SRGAP1: variants seen among roughly 807,000 people sequenced by gnomAD.
The protein encoded by SRGAP1 is SLIT-ROBO Rho GTPase-activating protein 1.
A neutral mutation model predicts 121.9 loss-of-function variants in SRGAP1; 43 were observed. The observed-to-expected ratio is 0.35, with a 90% CI of 0.28 to 0.46. The LOEUF is 0.46. Among genes scored for constraint, SRGAP1 ranks in the 20% least tolerant of loss-of-function variants. SRGAP1 has a pLI of 1.00. For missense variants in SRGAP1, 1,102 were observed against 1,350.9 expected (o/e 0.82, Z 2.89); for synonymous variants, 447 against 485.4 (o/e 0.92, Z 1.04).
rs184127530 is a variant in SRGAP1, at chr12:63,979,703, A to G, written c.68-4244A>G. Among the ~76,000 whole-genome samples, 18 of 152,292 alleles carry G rather than the reference A, an allele frequency of 1.2e-4. No homozygotes were observed. In the East Asian group the frequency reaches 3.5e-3, roughly 30 times the overall value. ...ATCTCCAGTGCCTAGGACACTGCCTAACACAAAATGGAAACTCAATAATTG... is the reference window on the plus strand; with the variant it reads ...ATCTCCAGTGCCTAGGACACTGCCTGACACAAAATGGAAACTCAATAATTG... On this transcript the variant is annotated intron_variant, in intron 1 of 21. Coordinates refer to ENST00000355086, the MANE Select transcript of SRGAP1 (RefSeq NM_020762.4).
intron 1 of SRGAP1, among the ~76,000 whole-genome samples, chr12:63,911,298 CAAAA>C (rs10715790): frequency 4.4e-5 from 4 of 90,236 alleles, no homozygotes; most frequent in African/African-American, 4.4e-5. Flanking sequence ...GACTCTGTCT[CAAAA>C]AAAAAAAAAA....
At chr12:63,859,926 G>T (rs1233982827) in intron 1 of SRGAP1, among the ~76,000 whole-genome samples, 1 of 152,106 alleles carries the variant, frequency 6.6e-6, no homozygotes, top group East Asian at 1.9e-4. Context: ...GATATGTAAA[G>T]AATTAAGTTC....
In SRGAP1 at chr12:64,111,967, A is replaced by G. The variant is rs1406155992; in HGVS notation, c.2125A>G (p.Met709Val). ...GGATGGCCCTGTTTATGAGAAATGT[A>G]TGGCTGGAGATGACTATTGGTAAGT... Reference protein sequence around the residue: ...ELDGPVYEKCMAGDDYCDSPY... With the variant: ...ELDGPVYEKCVAGDDYCDSPY... Residue 709 changes from methionine (M) to valine (V), a missense_variant, in exon 17 of 22, where the codon ATG (methionine) becomes GTG (valine). By Grantham distance (21) the Met-to-Val change is conservative. This residue lies in a region of SRGAP1 where 747 missense variants were observed against 929.4 expected (regional missense o/e 0.80). Coordinates refer to ENST00000355086, the MANE Select transcript of SRGAP1 (RefSeq NM_020762.4). The G allele has an allele frequency of 3.7e-6, 6 of 1,613,768 alleles. No individual in the cohort carries two copies. Among genetic ancestry groups the G allele is most frequent in the Admixed American group, 1.7e-5 (1 of 60,006 alleles).
chr12:63,881,358 T>A (rs747582382), intron 1 of SRGAP1, among the ~76,000 whole-genome samples: 24 of 152,314 alleles, frequency 1.6e-4, no homozygotes, highest in Non-Finnish European at 3.4e-4. Context: ...TAACAGTCAT[T>A]TGCAAGGAAA....
intron 4 of SRGAP1, among the ~76,000 whole-genome samples, chr12:64,024,782 A>G (rs952381680): frequency 6.6e-6 from 1 of 152,206 alleles, no homozygotes; most frequent in African/African-American, 2.4e-5. Context: ...TTCATAGGGC[A>G]TCAGGAGAGA....
chr12:63,979,685 G>T (rs1245479352), intron 1 of SRGAP1, among the ~76,000 whole-genome samples: 3 of 152,014 alleles, frequency 2.0e-5, no homozygotes, highest in Non-Finnish European at 4.4e-5. Context: ...TGTATCTCCA[G>T]TGCCTAGGAC....
intron 1 of SRGAP1, among the ~76,000 whole-genome samples, chr12:63,900,198 C>CTTTTTCTTTTTCTTT (rs1900892430): frequency 1.1e-4 from 11 of 100,562 alleles, no homozygotes; most frequent in Admixed American, 7.4e-4. Context: ...TTTTCTTTTT[C>CTTTTTCTTTTTCTTT]TTTTTCTTTT....
chr12:64,034,896 T>G (rs1168541564), intron 4 of SRGAP1, among the ~76,000 whole-genome samples: 2 of 152,156 alleles, frequency 1.3e-5, no homozygotes, highest in African/African-American at 4.8e-5. Flanking sequence ...AATTGAAGTT[T>G]TGTAAACTTT....
At chr12:63,949,257 C>G (rs1006499009) in intron 1 of SRGAP1, among the ~76,000 whole-genome samples, 5 of 142,794 alleles carry the variant, frequency 3.5e-5, no homozygotes, top group Admixed American at 7.1e-5. Context: ...ATCTCTGGTA[C>G]AAATGAAGAA....
intron 4 of SRGAP1, among the ~76,000 whole-genome samples, chr12:64,030,048 T>G (rs1018612757): frequency 1.3e-5 from 2 of 152,208 alleles, no homozygotes; most frequent in African/African-American, 2.4e-5. Context: ...AAATTAGAAT[T>G]TATTGGATAA....
At chr12:64,050,893 T>G (rs1482887158) in intron 6 of SRGAP1, among the ~76,000 whole-genome samples, 2 of 152,070 alleles carry the variant, frequency 1.3e-5, no homozygotes, top group Admixed American at 6.5e-5. Flanking sequence ...GGCTAATTGT[T>G]TTGTATTTTT....
At chr12:63,869,409 T>C (rs1899773060) in intron 1 of SRGAP1, among the ~76,000 whole-genome samples, 1 of 152,182 alleles carries the variant, frequency 6.6e-6, no homozygotes, top group South Asian at 2.1e-4. Flanking sequence ...GCACTGGGGA[T>C]TAAGTTTCCA....
At chr12:64,021,901 A>G (rs1292226699) in intron 4 of SRGAP1, among the ~76,000 whole-genome samples, 2 of 152,218 alleles carry the variant, frequency 1.3e-5, no homozygotes, top group Non-Finnish European at 2.9e-5. Context: ...TCTCAGCCTA[A>G]TTTGCTAATT....
chr12:63,914,528 A>G (rs2030693527), intron 1 of SRGAP1, among the ~76,000 whole-genome samples: 1 of 152,188 alleles, frequency 6.6e-6, no homozygotes, highest in African/African-American at 2.4e-5. Flanking sequence ...TAATAAAATA[A>G]TCTTTTTCCG....
At chr12:64,116,396 C>T (rs1311820489) in intron 18 of SRGAP1, among the ~76,000 whole-genome samples, 3 of 152,072 alleles carry the variant, frequency 2.0e-5, no homozygotes, top group African/African-American at 7.2e-5. Context: ...TTGCACTTCC[C>T]TGATCTGACT....
At chr12:63,968,940 C>T (rs1041379777) in intron 1 of SRGAP1, among the ~76,000 whole-genome samples, 5 of 152,102 alleles carry the variant, frequency 3.3e-5, no homozygotes, top group African/African-American at 4.8e-5. Context: ...TTCTGAATGC[C>T]GGCAGCCAAG....
At chr12:64,051,182 A>C (rs1808326394) in intron 6 of SRGAP1, among the ~76,000 whole-genome samples, 1 of 152,226 alleles carries the variant, frequency 6.6e-6, no homozygotes. Context: ...GATGGGTTCA[A>C]GTTAAGCACT....
At chr12:64,098,803 C>T (rs2036211111) in intron 15 of SRGAP1, among the ~76,000 whole-genome samples, 1 of 152,320 alleles carries the variant, frequency 6.6e-6, no homozygotes, top group South Asian at 2.1e-4. Context: ...CTGTATATTT[C>T]AGCAGTAGCA....
intron 6 of SRGAP1, among the ~76,000 whole-genome samples, chr12:64,058,555 C>G (rs1246376279): frequency 6.6e-6 from 1 of 152,056 alleles, no homozygotes; most frequent in African/African-American, 2.4e-5. Context: ...TTTTCTTCTC[C>G]AATTTTAATC....
Sources: gnomAD v4.1 joint callset for allele counts (sites outside exome capture counted in the v4.1 genomes callset) on GRCh38, gnomAD v4.1.1 for gene constraint, gnomAD v4.1.1 regional missense constraint, MANE v1.5 for transcripts, NCBI Gene and HGNC (gene_info 2026-07-23, HGNC 2026-07-21) for gene names.